Variants in LPP observed in about 807,000 individuals in gnomAD.
The protein encoded by LPP is lipoma-preferred partner.
A neutral mutation model predicts 60.4 loss-of-function variants in LPP; 38 were observed. That is an observed-to-expected ratio of 0.63 (90% CI 0.49 to 0.83). The LOEUF (loss-of-function observed/expected upper bound fraction) is 0.83, where lower values mean the gene tolerates loss of function less well. Among genes scored for constraint, LPP ranks in the 40% least tolerant of loss-of-function variants. LPP has a pLI of 0.00. For missense variants in LPP, 902 were observed against 783.6 expected, an observed-to-expected ratio of 1.15 and a Z score of -1.80; for synonymous variants, 328 against 290.8, an observed-to-expected ratio of 1.13 and a Z score of -1.30.
chr3:188,261,689 C>T (rs1253321936), intron 2 of LPP, among the ~76,000 whole-genome samples: 5 of 151,802 alleles, frequency 3.3e-5, no homozygotes, highest in African/African-American at 1.2e-4. Context: ...AGGAGAATTG[C>T]TTGAGGTCAA....
chr3:188,331,757 G>A (rs1760145266), intron 2 of LPP, among the ~76,000 whole-genome samples: 1 of 152,166 alleles, frequency 6.6e-6, no homozygotes, highest in South Asian at 2.1e-4. Flanking sequence ...GGTACTAGGA[G>A]CAGTATGAGT....
At chr3:188,831,613 C>T (rs112012668) in intron 9 of LPP, among the ~76,000 whole-genome samples, 114 of 152,316 alleles carry the variant, frequency 7.5e-4, no homozygotes, top group African/African-American at 2.6e-3. Context: ...GTTCCATGTA[C>T]ACTGCATAGA....
At chr3:188,753,729 A>T (rs576207749) in intron 8 of LPP, among the ~76,000 whole-genome samples, 1 of 151,818 alleles carries the variant, frequency 6.6e-6, no homozygotes, top group African/African-American at 2.4e-5. Flanking sequence ...CACTCATCCT[A>T]GTGGCAGTCA....
At chr3:188,667,059 T>G (rs907294099) in intron 7 of LPP, among the ~76,000 whole-genome samples, 1 of 152,226 alleles carries the variant, frequency 6.6e-6, no homozygotes, top group Admixed American at 6.5e-5. Flanking sequence ...AACAAAAACT[T>G]TGCTCTGATT....
intron 5 of LPP, among the ~76,000 whole-genome samples, chr3:188,492,571 C>A (rs1470835910): frequency 6.6e-6 from 1 of 152,014 alleles, no homozygotes; most frequent in Admixed American, 6.6e-5. Context: ...TCGTGTGTGC[C>A]TGTAATCCCA....
intron 3 of LPP, among the ~76,000 whole-genome samples, chr3:188,381,968 G>A (rs1245680091): frequency 1.4e-5 from 2 of 147,316 alleles, no homozygotes; most frequent in Non-Finnish European, 1.5e-5. Flanking sequence ...TTTAGATTTT[G>A]TAGAGACAGG....
At chr3:188,844,713 G>A (rs1225312996) in intron 9 of LPP, among the ~76,000 whole-genome samples, 2 of 152,156 alleles carry the variant, frequency 1.3e-5, no homozygotes, top group East Asian at 1.9e-4. Flanking sequence ...ACAGTGGAGC[G>A]GAAGGAGCGT....
chr3:188,688,357 TG>T (rs1861321718), intron 7 of LPP, among the ~76,000 whole-genome samples: 1 of 152,268 alleles, frequency 6.6e-6, no homozygotes, highest in African/African-American at 2.4e-5. Context: ...GAAACCTTCC[TG>T]ATGCCTTCAG....
chr3:188,877,731 C>A lies in LPP; in HGVS notation c.*3252C>A, dbSNP rs535136053. On this transcript the variant is annotated 3_prime_UTR_variant, in exon 12 of 12. Transcript: ENST00000617246. ...CAAATTAGCCAGACATGGTGGCATG[C>A]GCTTGTTTAAAAAAACAAATAAATA... The A allele has an allele frequency of 1.0e-5, 2 of 198,746 alleles. No homozygotes were observed. The highest frequency in any genetic ancestry group is 4.6e-5 in the African/African-American group (2 of 43,418). The allele number at this position is 198,746 out of a possible 1,614,324, so 12.3% of individuals were successfully genotyped here. A position where few individuals can be genotyped will look rare whatever the true frequency, so the allele number is the denominator to read the frequency against.
chr3:188,230,874 C>G (rs1031621095), intron 2 of LPP, among the ~76,000 whole-genome samples: 1 of 152,186 alleles, frequency 6.6e-6, no homozygotes, highest in Non-Finnish European at 1.5e-5. Flanking sequence ...CTCACCACAT[C>G]GCAGTCCAGG....
intron 4 of LPP, among the ~76,000 whole-genome samples, chr3:188,415,156 A>C (rs1346170241): frequency 6.6e-6 from 1 of 152,160 alleles, no homozygotes; most frequent in Non-Finnish European, 1.5e-5. Context: ...ACAAATATAC[A>C]ATACTATTGT....
At chr3:188,241,300 A>G (rs1241160946) in intron 2 of LPP, among the ~76,000 whole-genome samples, 1 of 152,194 alleles carries the variant, frequency 6.6e-6, no homozygotes, top group Non-Finnish European at 1.5e-5. Flanking sequence ...ATCCTGCATG[A>G]CTGGGTATAA....
At chr3:188,370,587 T>C (rs767976460) in intron 3 of LPP, among the ~76,000 whole-genome samples, 12 of 152,194 alleles carry the variant, frequency 7.9e-5, no homozygotes, top group Non-Finnish European at 1.5e-4. Flanking sequence ...ATGCAAGATA[T>C]GATGCAGGCT....
intron 5 of LPP, among the ~76,000 whole-genome samples, chr3:188,510,830 A>G (rs888665765): frequency 2.6e-5 from 4 of 152,198 alleles, no homozygotes; most frequent in Non-Finnish European, 5.9e-5. Context: ...GGCCTTCTCA[A>G]TTCTGTCGCC....
At chr3:188,159,068 C>T (rs1717382032) in intron 1 of LPP, among the ~76,000 whole-genome samples, 1 of 152,204 alleles carries the variant, frequency 6.6e-6, no homozygotes, top group South Asian at 2.1e-4. Flanking sequence ...ACAGAGCTCG[C>T]TTCCCCAGTC....
intron 6 of LPP, among the ~76,000 whole-genome samples, chr3:188,579,328 G>A (rs752632918): frequency 2.6e-5 from 4 of 152,176 alleles, no homozygotes; most frequent in African/African-American, 4.8e-5. Flanking sequence ...AAAAAAGGTC[G>A]GAAAGTGACA....
At chr3:188,722,758 G>T (rs1012610201) in intron 8 of LPP, among the ~76,000 whole-genome samples, 1 of 152,144 alleles carries the variant, frequency 6.6e-6, no homozygotes, top group Non-Finnish European at 1.5e-5. Flanking sequence ...TCTATTTTAT[G>T]TGCATATTGT....
intron 4 of LPP, among the ~76,000 whole-genome samples, chr3:188,455,302 T>C (rs1481643977): frequency 6.6e-6 from 1 of 152,160 alleles, no homozygotes; most frequent in African/African-American, 2.4e-5. Flanking sequence ...GAGAAGGTAC[T>C]GACCAGATTC....
Position 188,167,761 on chromosome 3 carries a change from A to G in LPP, c.-190+13509A>G, listed in dbSNP as rs78804236. ...GAATTATAGCACAAAAGTCCCAACTATTTCTATGACTTTTCAGATCAGTTG... is the reference window on the plus strand; with the variant it reads ...GAATTATAGCACAAAAGTCCCAACTGTTTCTATGACTTTTCAGATCAGTTG... On this transcript the variant is annotated intron_variant, in intron 1 of 11. Coordinates refer to ENST00000617246, the MANE Select transcript of LPP (RefSeq NM_001375462.1). Among the ~76,000 whole-genome samples the G allele has an allele frequency of 5.7e-4, 87 of 152,318 alleles. No individual in the cohort carries two copies. The East Asian group carries it at 0.012, about 21-fold the overall frequency.
Sources: gnomAD v4.1 joint callset for allele counts (sites outside exome capture counted in the v4.1 genomes callset) on GRCh38, gnomAD v4.1.1 for gene constraint, MANE v1.5 for transcripts, NCBI Gene and HGNC (gene_info 2026-07-23, HGNC 2026-07-21) for gene names.